Variants in TACR3 observed in about 807,000 individuals in gnomAD.
The protein encoded by TACR3 is neuromedin-K receptor.
A neutral mutation model predicts 35.0 loss-of-function variants in TACR3; 34 were observed. The ratio of observed to expected loss-of-function variants is 0.97; its 90% CI spans 0.74 to 1.30. The LOEUF is 1.30. TACR3 is among the 50% of genes most tolerant of loss of function. The pLI is 0.00. For missense variants in TACR3, 558 were observed against 591.7 expected (o/e 0.94, Z 0.59); for synonymous variants, 233 against 221.1 (o/e 1.05, Z -0.48).
chr4:103,690,341 A>C (rs1722374159), intron 1 of TACR3, among the ~76,000 whole-genome samples: 1 of 152,182 alleles, frequency 6.6e-6, no homozygotes, highest in South Asian at 2.1e-4. Context: ...TAAATGAGTA[A>C]AAATACAAGA....
chr4:103,710,214 G>A (rs1172047311), intron 1 of TACR3, among the ~76,000 whole-genome samples: 2 of 152,146 alleles, frequency 1.3e-5, no homozygotes, highest in African/African-American at 4.8e-5. Context: ...ATTCTTCTCA[G>A]CACCACGTTG....
rs560318529 is a variant in TACR3, at chr4:103,642,675, A to G, written c.888+13519T>C. On this transcript the variant is annotated intron_variant, in intron 3 of 4. Coordinates refer to ENST00000304883, the MANE Select transcript of TACR3 (RefSeq NM_001059.3). Reference sequence around the variant, plus strand: ...GGCTGGGAAGGGTAGGGTGGAGGGGAGTTAAGGAGAGGTTGGTTAATGGAT... The same window carrying G: ...GGCTGGGAAGGGTAGGGTGGAGGGGGGTTAAGGAGAGGTTGGTTAATGGAT... Among the ~76,000 whole-genome samples the G allele has an allele frequency of 2.0e-5, 3 of 151,804 alleles. No homozygotes were observed. In the East Asian group the frequency reaches 5.8e-4, roughly 30 times the overall value.
intron 3 of TACR3, among the ~76,000 whole-genome samples, chr4:103,604,058 C>G (rs185531084): frequency 6.6e-6 from 1 of 152,226 alleles, no homozygotes; most frequent in Non-Finnish European, 1.5e-5. Context: ...TCATATGGGA[C>G]CAAAAAGGAG....
At chr4:103,629,899 A>C (rs1009752491) in intron 3 of TACR3, among the ~76,000 whole-genome samples, 2 of 140,812 alleles carry the variant, frequency 1.4e-5, no homozygotes, top group African/African-American at 2.5e-5. Flanking sequence ...ACAACAAAAA[A>C]AAACAAAGCT....
intron 1 of TACR3, among the ~76,000 whole-genome samples, chr4:103,682,718 C>T (rs1722128000): frequency 6.6e-6 from 1 of 152,044 alleles, no homozygotes; most frequent in Admixed American, 6.6e-5. Flanking sequence ...ATGAGGACAA[C>T]TTAGCTGGGT....
At chr4:103,602,137 C>G (rs2110291345) in intron 3 of TACR3, among the ~76,000 whole-genome samples, 1 of 152,282 alleles carries the variant, frequency 6.6e-6, no homozygotes, top group East Asian at 1.9e-4. Flanking sequence ...TCATTCATTT[C>G]ATCTTCCATC....
intron 3 of TACR3, among the ~76,000 whole-genome samples, chr4:103,609,925 A>G (rs1724475363): frequency 6.6e-6 from 1 of 152,048 alleles, no homozygotes; most frequent in Non-Finnish European, 1.5e-5. Flanking sequence ...CTCTAGGTTC[A>G]TGGAAACTGT....
intron 3 of TACR3, among the ~76,000 whole-genome samples, chr4:103,639,591 TAATAA>T (rs768646034): frequency 2.4e-4 from 36 of 151,904 alleles, no homozygotes; most frequent in South Asian, 2.3e-3. Context: ...TAAAGTATAA[TAATAA>T]AATAAAATGA....
intron 1 of TACR3, among the ~76,000 whole-genome samples, chr4:103,713,581 C>G (rs1723020645): frequency 6.6e-6 from 1 of 151,488 alleles, no homozygotes; most frequent in Admixed American, 6.6e-5. Flanking sequence ...CGTGACAAAC[C>G]TGCACATTGT....
intron 2 of TACR3, among the ~76,000 whole-genome samples, chr4:103,657,925 ATGCTTTTCTTTGCACAT>A (rs1725765050): frequency 6.7e-6 from 1 of 149,844 alleles, no homozygotes; most frequent in Non-Finnish European, 1.5e-5. Flanking sequence ...CAATAACACA[ATGCTTTTCTTTGCACAT>A]TGCTTTTATC....
chr4:103,620,681 T>C (rs1724755251), intron 3 of TACR3, among the ~76,000 whole-genome samples: 1 of 151,946 alleles, frequency 6.6e-6, no homozygotes, highest in East Asian at 1.9e-4. Flanking sequence ...TGCATATAAG[T>C]AGGAGCTAAA....
chr4:103,719,887 C>T lies in TACR3; in HGVS notation c.-212G>A. ...CACTTTCTCAGAGGCGCTTGCGGCTCTGGCAGGCAGAAAGAATGAGATCCT... is the reference window on the plus strand; with the variant it reads ...CACTTTCTCAGAGGCGCTTGCGGCTTTGGCAGGCAGAAAGAATGAGATCCT... On this transcript the variant is annotated 5_prime_UTR_variant, in exon 1 of 5. Coordinates refer to ENST00000304883, the MANE Select transcript of TACR3 (RefSeq NM_001059.3). 1.6e-6 allele frequency: 1 copy of T among 620,266 alleles called. No homozygotes were observed. The highest frequency in any genetic ancestry group is 2.8e-6 in the Non-Finnish European group (1 of 355,996). The allele number at this position is 620,266 out of a possible 1,614,324, so 38.4% of individuals were successfully genotyped here.
intron 3 of TACR3, among the ~76,000 whole-genome samples, chr4:103,649,437 T>C (rs1725533625): frequency 6.6e-6 from 1 of 152,146 alleles, no homozygotes; most frequent in South Asian, 2.1e-4. Context: ...GATTTAAGTT[T>C]TTAATCCATT....
intron 3 of TACR3, among the ~76,000 whole-genome samples, chr4:103,606,091 C>G (rs1189783768): frequency 6.6e-6 from 1 of 151,828 alleles, no homozygotes; most frequent in African/African-American, 2.4e-5. Flanking sequence ...AATCCTTTCC[C>G]CATTTCTTGT....
intron 1 of TACR3, among the ~76,000 whole-genome samples, chr4:103,687,073 G>A (rs1054243242): frequency 3.3e-5 from 5 of 151,968 alleles, no homozygotes; most frequent in African/African-American, 1.2e-4. Context: ...TCATCCCTGG[G>A]ATGCAAGGCT....
intron 1 of TACR3, among the ~76,000 whole-genome samples, chr4:103,698,102 T>TTTAAC (rs1722565569): frequency 6.6e-6 from 1 of 152,214 alleles, no homozygotes; most frequent in African/African-American, 2.4e-5. Context: ...GGAAGATATA[T>TTTAAC]TTAACTTATA....
At chr4:103,656,134 C>A in intron 3 of TACR3, 60 bp downstream of exon 3, 1 of 1,595,836 alleles carries the variant, frequency 6.3e-7, no homozygotes, top group Non-Finnish European at 8.6e-7. Context: ...GACTAGATTG[C>A]TTTTCTTTCT....
rs79751281 is a variant in TACR3, at chr4:103,691,297, A to C, written c.548+27831T>G. The stretch of plus-strand genomic sequence containing the variant: ...AAACAAACTCTTGATACACGGATTA[A>C]CTTGGGTAATCTCAGAGATGTTGTG... On this transcript the variant is annotated intron_variant, in intron 1 of 4. Transcript: ENST00000304883. 2.7e-3 allele frequency among the ~76,000 whole-genome samples: 418 copies of C among 152,308 alleles called. 2 individuals are homozygous for C. Among genetic ancestry groups the C allele is most frequent in the African/African-American group, 9.5e-3 (395 of 41,568 alleles).
intron 3 of TACR3, among the ~76,000 whole-genome samples, chr4:103,639,229 G>A (rs1353135744): frequency 6.6e-6 from 1 of 151,036 alleles, no homozygotes; most frequent in African/African-American, 2.5e-5. Context: ...AGAAACTGTG[G>A]CACATATACA....
Sources: allele counts gnomAD v4.1 joint callset (sites outside exome capture counted in the v4.1 genomes callset), GRCh38; gene constraint gnomAD v4.1.1; transcripts MANE v1.5; gene names NCBI Gene and HGNC (gene_info 2026-07-23, HGNC 2026-07-21).